The following BARX2 variants were observed in gnomAD, a reference collection of about 807,000 sequenced individuals.
BARX2 encodes the protein BARX homeobox 2, also known as homeobox protein BarH-like 2.
Under a neutral mutation model 25.5 loss-of-function variants are expected in BARX2, and 11 were observed. That is an observed-to-expected ratio of 0.43 (90% CI 0.27 to 0.71). The LOEUF is 0.71. Among genes scored for constraint, BARX2 ranks in the 30% least tolerant of loss-of-function variants. The probability of loss-of-function intolerance (pLI) is 0.19; values close to 1 mark genes in which losing one functional copy is unlikely to be tolerated. For missense variants in BARX2, 360 were observed against 359.9 expected, an observed-to-expected ratio of 1.00 and a Z score of 0.00; for synonymous variants, 137 against 149.5, an observed-to-expected ratio of 0.92 and a Z score of 0.61.
In BARX2 at chr11:129,442,415, G is replaced by C. The variant is rs374643415; in HGVS notation, c.489-420G>C. ...AGAATCACCTGCCGGAGGTGGGACC[G>C]GGGCTGGGTCTGGAATGATGAGTGG... On this transcript the variant is annotated intron_variant, in intron 2 of 3. Coordinates refer to ENST00000281437, the MANE Select transcript of BARX2 (RefSeq NM_003658.5). 2.0e-5 allele frequency among the ~76,000 whole-genome samples: 3 copies of C among 152,312 alleles called. No homozygotes were observed. In the East Asian group the frequency reaches 5.8e-4, roughly 29 times the overall value.
intron 1 of BARX2, among the ~76,000 whole-genome samples, chr11:129,404,229 C>G (rs1353207832): frequency 6.6e-6 from 1 of 152,160 alleles, no homozygotes; most frequent in African/African-American, 2.4e-5. Context: ...TGAAGAAAAC[C>G]CCAGTCAGCT....
At chr11:129,405,760 G>A (rs1307119978) in intron 1 of BARX2, among the ~76,000 whole-genome samples, 7 of 152,240 alleles carry the variant, frequency 4.6e-5, no homozygotes, top group Middle Eastern at 3.4e-3. Flanking sequence ...TAGTCTCCAC[G>A]TCATGCATGG....
intron 1 of BARX2, among the ~76,000 whole-genome samples, chr11:129,396,805 C>G (rs1264259012): frequency 6.6e-6 from 1 of 152,078 alleles, no homozygotes; most frequent in African/African-American, 2.4e-5. Context: ...GACTGTGTCT[C>G]CTAGAACCCC....
intron 1 of BARX2, among the ~76,000 whole-genome samples, chr11:129,382,535 C>T (rs945744103): frequency 2.5e-4 from 38 of 152,164 alleles, no homozygotes; most frequent in African/African-American, 9.2e-4. Context: ...GCCTGAGGGT[C>T]TTCCTTGCCA....
At chr11:129,413,033 G>A (rs1861905648) in intron 1 of BARX2, among the ~76,000 whole-genome samples, 1 of 149,816 alleles carries the variant, frequency 6.7e-6, no homozygotes, top group African/African-American at 2.5e-5. Context: ...GGAATTCTTA[G>A]GTATGTTTGG....
At chr11:129,443,628 C>G (rs1238978492) in intron 3 of BARX2, among the ~76,000 whole-genome samples, 1 of 152,220 alleles carries the variant, frequency 6.6e-6, no homozygotes, top group Admixed American at 6.5e-5. Flanking sequence ...CAGTTTCCAT[C>G]ATCCTGCTCT....
intron 2 of BARX2, 41 bp from the exon 3 acceptor site, chr11:129,442,793 TC>T: frequency 6.5e-7 from 1 of 1,543,016 alleles, no homozygotes; most frequent in Non-Finnish European, 9.0e-7. Flanking sequence ...TCCTGCTGCC[TC>T]CCATTCTGCT....
chr11:129,400,579 T>C (rs1861765362), intron 1 of BARX2, among the ~76,000 whole-genome samples: 1 of 152,230 alleles, frequency 6.6e-6, no homozygotes, highest in South Asian at 2.1e-4. Context: ...GTATACATTC[T>C]ATACTCAAGA....
chr11:129,415,651 C>A (rs767296565), intron 1 of BARX2, among the ~76,000 whole-genome samples: 7 of 152,164 alleles, frequency 4.6e-5, no homozygotes, highest in Non-Finnish European at 2.9e-5. Context: ...CTTCTTAAGA[C>A]TAGATTGCTC....
At chr11:129,388,165 T>G (rs1861633275) in intron 1 of BARX2, among the ~76,000 whole-genome samples, 1 of 152,214 alleles carries the variant, frequency 6.6e-6, no homozygotes, top group Non-Finnish European at 1.5e-5. Flanking sequence ...GCATCAGCTC[T>G]GTTGGAACTT....
intron 1 of BARX2, among the ~76,000 whole-genome samples, chr11:129,400,643 G>A (rs1288659590): frequency 6.6e-6 from 1 of 152,202 alleles, no homozygotes; most frequent in African/African-American, 2.4e-5. Flanking sequence ...CACTGAATGG[G>A]TTTAAGCAAG....
At chr11:129,423,721 G>T (rs1029502275) in intron 1 of BARX2, among the ~76,000 whole-genome samples, 2 of 152,148 alleles carry the variant, frequency 1.3e-5, no homozygotes, top group African/African-American at 2.4e-5. Flanking sequence ...TACTAGTCCT[G>T]TACTCTCTGG....
upstream of BARX2, among the ~76,000 whole-genome samples, chr11:129,375,686 C>G (rs1861493703): frequency 6.6e-6 from 1 of 151,984 alleles, no homozygotes; most frequent in Admixed American, 6.5e-5. This position sits in a 1 kb window ranked among gnomAD's most constrained non-coding sequence, Gnocchi z 4.0. Context: ...CTGAGAGCCG[C>G]CGGGCACTAG....
chr11:129,382,883 C>T (rs1273305117), intron 1 of BARX2, among the ~76,000 whole-genome samples: 1 of 152,060 alleles, frequency 6.6e-6, no homozygotes, highest in African/African-American at 2.4e-5. Context: ...AGCATGACGA[C>T]GAGAAGAAGA....
chr11:129,401,010 G>C (rs950546139), intron 1 of BARX2, among the ~76,000 whole-genome samples: 1 of 152,210 alleles, frequency 6.6e-6, no homozygotes, highest in Non-Finnish European at 1.5e-5. Context: ...TCCTTAAAAT[G>C]TGATTCATGG....
chr11:129,431,834 A>G (rs1014141019), intron 1 of BARX2, among the ~76,000 whole-genome samples: 4 of 151,948 alleles, frequency 2.6e-5, no homozygotes, highest in Admixed American at 6.6e-5. Flanking sequence ...TGTCATGGCT[A>G]AGAATTCTCT....
intron 1 of BARX2, among the ~76,000 whole-genome samples, chr11:129,386,878 T>C (rs1861621179): frequency 6.6e-6 from 1 of 152,226 alleles, no homozygotes; most frequent in African/African-American, 2.4e-5. Context: ...ACCACTCCTG[T>C]CTGCCTAAAC....
intron 1 of BARX2, among the ~76,000 whole-genome samples, chr11:129,413,331 T>C (rs570753650): frequency 6.6e-6 from 1 of 152,340 alleles, no homozygotes; most frequent in Admixed American, 6.5e-5. Flanking sequence ...CAGAGCTGTA[T>C]GGCTCTTGAG....
intron 3 of BARX2, among the ~76,000 whole-genome samples, chr11:129,449,247 A>C (rs1433109652): frequency 6.6e-6 from 1 of 152,176 alleles, no homozygotes; most frequent in Admixed American, 6.5e-5. Context: ...TTTATCCTTA[A>C]AATTCAGCAC....
Sources: allele counts gnomAD v4.1 joint callset (sites outside exome capture counted in the v4.1 genomes callset), GRCh38; gene constraint gnomAD v4.1.1; non-coding constraint Gnocchi (gnomAD v3.1); transcripts MANE v1.5; gene names NCBI Gene and HGNC (gene_info 2026-07-23, HGNC 2026-07-21).